SGPP2: variants seen among roughly 807,000 people sequenced by gnomAD.
SGPP2 encodes the protein sphingosine 1-phosphate phosphohydrolase 2.
A neutral mutation model predicts 33.9 loss-of-function variants in SGPP2; 30 were observed. That is an observed-to-expected ratio of 0.89 (90% CI 0.66 to 1.20). The LOEUF (loss-of-function observed/expected upper bound fraction) is 1.20. SGPP2 is among the 50% of genes most tolerant of loss of function. The pLI is 0.00. For synonymous variants in SGPP2, 233 were observed against 225.0 expected (o/e 1.04, Z -0.32); for missense variants, 458 against 532.1 (o/e 0.86, Z 1.37).
At chr2:222,495,039 A>T (rs1698255650) in intron 2 of SGPP2, among the ~76,000 whole-genome samples, 1 of 151,844 alleles carries the variant, frequency 6.6e-6, no homozygotes, top group African/African-American at 2.4e-5. Context: ...CTCAAACAAA[A>T]ACAAAAACAA....
intron 1 of SGPP2, among the ~76,000 whole-genome samples, chr2:222,430,112 C>T (rs927308235): frequency 5.3e-5 from 8 of 152,110 alleles, no homozygotes; most frequent in Admixed American, 3.3e-4. Context: ...TAGAATAGAA[C>T]GATGAATACA....
chr2:222,497,296 A>G (rs1698296950), intron 2 of SGPP2, among the ~76,000 whole-genome samples: 1 of 129,900 alleles, frequency 7.7e-6, no homozygotes, highest in Non-Finnish European at 1.6e-5. Context: ...TCTGTCGCCC[A>G]GGCTGGAGTG....
chr2:222,431,153 A>C (rs1697147606), intron 1 of SGPP2, among the ~76,000 whole-genome samples: 1 of 149,694 alleles, frequency 6.7e-6, no homozygotes, highest in Admixed American at 6.8e-5. Context: ...ATTGTGTATT[A>C]TCTTTTCAAT....
intron 1 of SGPP2, among the ~76,000 whole-genome samples, chr2:222,425,921 T>C (rs1230329003): frequency 1.3e-5 from 2 of 152,298 alleles, no homozygotes; most frequent in Admixed American, 6.5e-5. Context: ...TGTGTTCTAC[T>C]CCAGAGAAAT....
intron 1 of SGPP2, among the ~76,000 whole-genome samples, chr2:222,453,277 C>G (rs1697520594): frequency 6.6e-6 from 1 of 152,032 alleles, no homozygotes; most frequent in Admixed American, 6.6e-5. Flanking sequence ...GGTTTGGGGA[C>G]AAGCTGGATT....
chr2:222,485,904 T>C (rs1698099297), intron 2 of SGPP2, among the ~76,000 whole-genome samples: 1 of 152,232 alleles, frequency 6.6e-6, no homozygotes, highest in African/African-American at 2.4e-5. Context: ...TATTTTGGCC[T>C]CTGGGATTTT....
At chr2:222,478,267 TTGTGTGTGTGTG>T (rs113118208) in intron 2 of SGPP2, among the ~76,000 whole-genome samples, 1 of 141,488 alleles carries the variant, frequency 7.1e-6, no homozygotes, top group Admixed American at 7.1e-5. Context: ...GTGCATGCAT[TTGTGTGTGTGTG>T]TGTGTGTGTG....
chr2:222,493,641 G>A (rs1698230701), intron 2 of SGPP2, among the ~76,000 whole-genome samples: 1 of 152,188 alleles, frequency 6.6e-6, no homozygotes, highest in South Asian at 2.1e-4. Flanking sequence ...CAGCCTAAAT[G>A]TATTCTTAAC....
At chr2:222,484,224 T>C (rs1298924293) in intron 2 of SGPP2, among the ~76,000 whole-genome samples, 1 of 152,324 alleles carries the variant, frequency 6.6e-6, no homozygotes, top group South Asian at 2.1e-4. Context: ...TTTATGATGA[T>C]GACTGGAAAA....
chr2:222,505,994 C>T (rs1698439255), intron 2 of SGPP2, among the ~76,000 whole-genome samples: 1 of 149,620 alleles, frequency 6.7e-6, no homozygotes, highest in African/African-American at 2.5e-5. Flanking sequence ...ATGAACACAT[C>T]AAACTATATA....
upstream of SGPP2, chr2:222,424,518 G>A (rs1574822623): frequency 3.1e-6 from 3 of 982,116 alleles, no homozygotes; most frequent in East Asian, 1.2e-4. Flanking sequence ...TGCGGGATCG[G>A]CGGGGGCGAG....
At chr2:222,441,893 T>C (rs944747131) in intron 1 of SGPP2, among the ~76,000 whole-genome samples, 2 of 152,152 alleles carry the variant, frequency 1.3e-5, no homozygotes, top group Admixed American at 6.5e-5. Context: ...TGAAGAAATA[T>C]TTATTAAACT....
intron 2 of SGPP2, among the ~76,000 whole-genome samples, chr2:222,490,000 G>C (rs1280298530): frequency 6.6e-6 from 1 of 152,050 alleles, no homozygotes; most frequent in Non-Finnish European, 1.5e-5. Flanking sequence ...ATAAAACTCT[G>C]TGAAAGCCTG....
chr2:222,482,134 C>T lies in SGPP2; in HGVS notation c.378+7408C>T, dbSNP rs550572769. ...GAGGTTTGGTCAGAAGTTTCTGGTC[C>T]TATAATACCATGAAAGGAGCACCAG... On this transcript the variant is annotated intron_variant, in intron 2 of 4. Transcript: ENST00000321276. 5.3e-5 allele frequency among the ~76,000 whole-genome samples: 8 copies of T among 152,232 alleles called. No homozygotes were observed. In the East Asian group the frequency reaches 1.5e-3, roughly 29 times the overall value.
intron 1 of SGPP2, among the ~76,000 whole-genome samples, chr2:222,471,798 A>G (rs1367977289): frequency 1.3e-5 from 2 of 152,022 alleles, no homozygotes. Flanking sequence ...TAGTGTTGGC[A>G]TTTTACTTTG....
intron 4 of SGPP2, among the ~76,000 whole-genome samples, chr2:222,542,813 T>A (rs1159003713): frequency 6.6e-6 from 1 of 151,514 alleles, no homozygotes; most frequent in African/African-American, 2.4e-5. Flanking sequence ...CTTTTTCTTT[T>A]CCTTTTTTTT....
intron 2 of SGPP2, among the ~76,000 whole-genome samples, chr2:222,520,536 GC>G (rs1462585297): frequency 6.6e-6 from 1 of 152,114 alleles, no homozygotes; most frequent in Non-Finnish European, 1.5e-5. Context: ...TTCAAGACCA[GC>G]TTGACCAACA....
chr2:222,545,562 G>A (rs536082765), intron 4 of SGPP2, among the ~76,000 whole-genome samples: 6 of 152,164 alleles, frequency 3.9e-5, no homozygotes, highest in South Asian at 2.1e-4. Context: ...GATTACAGGC[G>A]TGAGCCACCA....
intron 1 of SGPP2, among the ~76,000 whole-genome samples, chr2:222,462,698 C>T (rs12470721): frequency 0.53 from 79,829 of 151,890 alleles, 22,494 homozygotes; most frequent in African/African-American, 0.75. Flanking sequence ...AAAGGGACCA[C>T]GAGGAATGTT....
Sources: gnomAD v4.1 joint callset for allele counts (sites outside exome capture counted in the v4.1 genomes callset) on GRCh38, gnomAD v4.1.1 for gene constraint, MANE v1.5 for transcripts, NCBI Gene and HGNC (gene_info 2026-07-23, HGNC 2026-07-21) for gene names.